The following LEPR variants were observed in gnomAD, a reference collection of about 807,000 sequenced individuals.
LEPR encodes OB receptor.
In LEPR, 56 loss-of-function variants were observed where a neutral mutation model predicts 114.7. The observed-to-expected ratio is 0.49, with a 90% confidence interval of 0.39 to 0.61. The LOEUF (loss-of-function observed/expected upper bound fraction) is 0.61. Among genes scored for constraint, LEPR ranks in the 20% least tolerant of loss-of-function variants. The pLI is 0.00. For missense variants in LEPR, 1,202 were observed against 1,352.9 expected, an observed-to-expected ratio of 0.89 and a Z score of 1.75; for synonymous variants, 443 against 461.4, an observed-to-expected ratio of 0.96 and a Z score of 0.51.
In LEPR at chr1:65,572,402, G is replaced by T; in HGVS notation, c.447G>T (p.Lys149Asn). ...LFICYVESLF[K>N]NLFRNYNYKV... The stretch of plus-strand genomic sequence containing the variant: ...TCTGTTATGTGGAGTCATTATTTAA[G>T]AATCTATTCAGGAATTATAACTATA... Residue 149 changes from lysine (K) to asparagine (N), a missense_variant, in exon 5 of 20, where the codon AAG becomes AAT. By Grantham distance (94) the Lys-to-Asn change is moderately conservative (BLOSUM62 0). Coordinates refer to ENST00000349533, the MANE Select transcript of LEPR (RefSeq NM_002303.6). 1.3e-6 allele frequency: 2 copies of T among 1,492,398 alleles called. No individual in the cohort carries two copies. The highest frequency in any genetic ancestry group is 5.6e-5 in the East Asian group (2 of 35,418). 92.4% of individuals were successfully genotyped at this position (1,492,398 alleles called of 1,614,324 possible). A position where few individuals can be genotyped will look rare whatever the true frequency, so the allele number is the denominator to read the frequency against.
chr1:65,434,250 T>A (rs1646527644), intron 2 of LEPR: 1 of 979,952 alleles, frequency 1.0e-6, no homozygotes, highest in Non-Finnish European at 1.2e-6. Flanking sequence ...TATTGCTATA[T>A]CTGAATATAT....
chr1:65,517,792 T>C (rs1649366125), intron 2 of LEPR, among the ~76,000 whole-genome samples: 1 of 152,228 alleles, frequency 6.6e-6, no homozygotes, highest in Admixed American at 6.5e-5. Flanking sequence ...GAAGAGTGCA[T>C]TGTCTTACCA....
intron 2 of LEPR, among the ~76,000 whole-genome samples, chr1:65,509,011 G>C (rs1038876441): frequency 6.6e-6 from 1 of 152,014 alleles, no homozygotes; most frequent in Non-Finnish European, 1.5e-5. Flanking sequence ...CTATAGGAAT[G>C]CTACTGATTT....
At chr1:65,618,395 G>A (rs934632799) in intron 16 of LEPR, among the ~76,000 whole-genome samples, 1 of 151,968 alleles carries the variant, frequency 6.6e-6, no homozygotes, top group African/African-American at 2.4e-5. Context: ...GAACAAACAT[G>A]GCTCACTGCA....
At chr1:65,614,058 C>T (rs767330637) in intron 14 of LEPR, among the ~76,000 whole-genome samples, 1 of 152,132 alleles carries the variant, frequency 6.6e-6, no homozygotes, top group African/African-American at 2.4e-5. Flanking sequence ...CAAATTTAAA[C>T]ATAGCCTTAC....
chr1:65,473,011 T>C (rs1219653245), intron 2 of LEPR, among the ~76,000 whole-genome samples: 2 of 152,228 alleles, frequency 1.3e-5, no homozygotes, highest in African/African-American at 4.8e-5. Flanking sequence ...GTTTACTGCC[T>C]CACAAGGCAG....
intron 2 of LEPR, among the ~76,000 whole-genome samples, chr1:65,550,590 G>A (rs1048073243): frequency 3.9e-5 from 6 of 152,172 alleles, no homozygotes; most frequent in Non-Finnish European, 8.8e-5. Context: ...AGCAATCAGC[G>A]AGACTCCGTG....
At chr1:65,547,900 A>T (rs1448594134) in intron 2 of LEPR, among the ~76,000 whole-genome samples, 2 of 142,220 alleles carry the variant, frequency 1.4e-5, no homozygotes, top group Non-Finnish European at 3.1e-5. Flanking sequence ...TTGTGATGTT[A>T]GGGTGTCAAT....
chr1:65,581,486 T>C (rs1490765426), intron 5 of LEPR, among the ~76,000 whole-genome samples: 1 of 152,026 alleles, frequency 6.6e-6, no homozygotes, highest in African/African-American at 2.4e-5. Context: ...TCTCTGTCTC[T>C]TTCTGTCTCT....
intron 2 of LEPR, among the ~76,000 whole-genome samples, chr1:65,532,704 A>T (rs1474605860): frequency 6.6e-6 from 1 of 152,220 alleles, no homozygotes; most frequent in African/African-American, 2.4e-5. Context: ...CCTTGAAAAC[A>T]TGATGCTAAC....
chr1:65,478,763 A>G (rs774041517), intron 2 of LEPR, among the ~76,000 whole-genome samples: 1 of 152,228 alleles, frequency 6.6e-6, no homozygotes, highest in Non-Finnish European at 1.5e-5. Context: ...GATCAGCGCC[A>G]GTGAATCTAC....
chr1:65,594,523 A>G (rs1655918558), intron 6 of LEPR, among the ~76,000 whole-genome samples: 1 of 152,080 alleles, frequency 6.6e-6, no homozygotes, highest in Non-Finnish European at 1.5e-5. Context: ...AGACCTGAGC[A>G]TCTAGGTGAA....
Position 65,429,969 on chromosome 1 carries a change from G to A in LEPR, c.-21+4591G>A, listed in dbSNP as rs758089455. ...TCAGATGCAACCAGTAGTGCCTGTC[G>A]GGAACTGGCATATTTCTTCACTACT... On this transcript the variant is annotated intron_variant, in intron 2 of 19. Transcript: ENST00000349533. 23 of 1,578,350 alleles carry A rather than the reference G, an allele frequency of 1.5e-5. No individual in the cohort carries two copies. The highest frequency in any genetic ancestry group is 1.2e-4 in the Admixed American group (7 of 59,398).
At chr1:65,503,423 A>T (rs575704130) in intron 2 of LEPR, among the ~76,000 whole-genome samples, 52 of 152,320 alleles carry the variant, frequency 3.4e-4, no homozygotes, top group Middle Eastern at 3.4e-3. Context: ...TGGCAGAAAA[A>T]GTTGCTAGCC....
intron 2 of LEPR, among the ~76,000 whole-genome samples, chr1:65,535,641 G>A (rs968710241): frequency 2.0e-5 from 3 of 152,022 alleles, no homozygotes; most frequent in Admixed American, 1.3e-4. Context: ...GTGGACCATC[G>A]TGCCAGGCTG....
At position 65,570,737 on chromosome 1, in the gene LEPR, G is replaced by A; in HGVS notation, c.305G>A (p.Cys102Tyr). Residue 102 changes from cysteine to tyrosine, a missense_variant, in exon 4 of 20, where the codon TGT (cysteine) becomes TAT (tyrosine). By Grantham distance (194) the Cys-to-Tyr change is radical. Transcript: ENST00000349533. ...RSEQDRNCSL[C>Y]ADNIEGKTFV... ...GAGCAAGATAGAAACTGCTCCTTAT[G>A]TGCAGACAACATTGAAGGAAAGACA... 1 of 1,601,034 alleles carries A rather than the reference G, an allele frequency of 6.2e-7. No homozygotes were observed. The highest frequency in any genetic ancestry group is 8.5e-7 in the Non-Finnish European group (1 of 1,171,900).
chr1:65,547,018 G>T (rs201407291), intron 2 of LEPR, among the ~76,000 whole-genome samples: 101,308 of 151,816 alleles, frequency 0.67, 35,105 homozygotes, highest in African/African-American at 0.78. Context: ...TAGCATGAAG[G>T]GTTGTTGAAT....
chr1:65,464,741 CT>C (rs1310234081), intron 2 of LEPR, among the ~76,000 whole-genome samples: 1 of 152,106 alleles, frequency 6.6e-6, no homozygotes, highest in East Asian at 1.9e-4. Context: ...ACTTCTTCCA[CT>C]GGTTTAGTCT....
At chr1:65,634,976 T>C (rs1473532292) in intron 19 of LEPR, 2 of 815,510 alleles carry the variant, frequency 2.5e-6, no homozygotes, top group African/African-American at 3.7e-5. Flanking sequence ...TTATGCAGTA[T>C]TTTAATACCT....
Sources: allele counts gnomAD v4.1 joint callset (sites outside exome capture counted in the v4.1 genomes callset), GRCh38; gene constraint gnomAD v4.1.1; transcripts MANE v1.5; gene names NCBI Gene and HGNC (gene_info 2026-07-23, HGNC 2026-07-21).